POTEC: variants seen among roughly 807,000 people sequenced by gnomAD.
The protein encoded by POTEC is ANKRD26-like family B member 2.
In POTEC, 35 loss-of-function variants were observed where a neutral mutation model predicts 62.0. That is an observed-to-expected ratio of 0.56 (90% CI 0.43 to 0.75). The LOEUF (loss-of-function observed/expected upper bound fraction) is 0.75, where lower values mean the gene tolerates loss of function less well. POTEC is among the 30% of genes least tolerant of loss of function. The pLI, the probability that POTEC is intolerant of heterozygous loss-of-function variation, is 0.00. For synonymous variants in POTEC, 156 were observed against 221.5 expected, an observed-to-expected ratio of 0.70 and a Z score of 2.62; for missense variants, 472 against 655.9, an observed-to-expected ratio of 0.72 and a Z score of 3.06.
chr18:14,508,406 C>T lies in POTEC; in HGVS notation c.*3492G>A, dbSNP rs1909902337. 1 of 152,556 alleles carries T rather than the reference C, an allele frequency of 6.6e-6. No individual in the cohort carries two copies. Among genetic ancestry groups the T allele is most frequent in the South Asian group, 2.1e-4 (1 of 4,826 alleles). The allele number at this position is 152,556 out of a possible 1,614,324, so 9.5% of individuals were successfully genotyped here. ...TGGAGCTGGTCTGACCTCAGCCCTC[C>T]CTAGTCTGCTTGCCTCTCCCAGGAC... On this transcript the variant is annotated 3_prime_UTR_variant, in exon 11 of 11. Coordinates refer to ENST00000358970, the MANE Select transcript of POTEC (RefSeq NM_001137671.2).
chr18:14,539,097 C>G (rs1280516148), intron 1 of POTEC, among the ~76,000 whole-genome samples: 1 of 152,018 alleles, frequency 6.6e-6, no homozygotes, highest in Non-Finnish European at 1.5e-5. Context: ...TTTTCAAAAA[C>G]TTTAAGCCAA....
chr18:14,528,789 T>A (rs1249925186), intron 6 of POTEC: 1 of 369,066 alleles, frequency 2.7e-6, no homozygotes, highest in African/African-American at 2.1e-5. Flanking sequence ...GACCTACTCA[T>A]TTCTATAGTA....
At chr18:14,525,036 A>G in intron 6 of POTEC, 53 bp from the exon 7 acceptor site, 1 of 1,579,892 alleles carries the variant, frequency 6.3e-7, no homozygotes, top group East Asian at 2.2e-5. Context: ...AACAGTTAAA[A>G]ACTATTGCCT....
At position 14,537,917 on chromosome 18, in the gene POTEC, G is replaced by T. The variant is rs917786769; in HGVS notation, c.694C>A (p.Gln232Lys). The T allele has an allele frequency of 6.2e-7, 1 of 1,612,484 alleles. No individual in the cohort carries two copies. The highest frequency in any genetic ancestry group is 8.5e-7 in the Non-Finnish European group (1 of 1,179,794). The change falls in exon 3 of 11, where the codon CAA becomes AAA. Residue 232 changes from glutamine (Q) to lysine (K), a missense_variant. Coordinates refer to ENST00000358970, the MANE Select transcript of POTEC (RefSeq NM_001137671.2). ...TTTCCATACTCATCTGGAATATTTT[G>T]ATCAGCGCCATGTTCCAGCAACATT... is the stretch of plus-strand genomic sequence containing the variant. ...VLMLLEHGAD[Q>K]NIPDEYGNTT...
chr18:14,539,245 G>C (rs1456766569), intron 1 of POTEC, among the ~76,000 whole-genome samples: 1 of 151,680 alleles, frequency 6.6e-6, no homozygotes, highest in East Asian at 1.9e-4. Flanking sequence ...TTTTAAAATG[G>C]ATTTATGAAA....
chr18:14,518,875 A>G (rs1910237754), intron 9 of POTEC, among the ~76,000 whole-genome samples: 1 of 151,442 alleles, frequency 6.6e-6, no homozygotes, highest in Non-Finnish European at 1.5e-5. Flanking sequence ...AATTAGGAGG[A>G]ACTTTGACAT....
intron 6 of POTEC, chr18:14,527,734 G>C (rs973312686): frequency 6.6e-6 from 1 of 151,706 alleles, no homozygotes; most frequent in Non-Finnish European, 1.5e-5. Flanking sequence ...AACTATTAAT[G>C]TTATTTCTTA....
At chr18:14,539,260 T>G (rs1411044722) in intron 1 of POTEC, among the ~76,000 whole-genome samples, 167 of 130,002 alleles carry the variant, frequency 1.3e-3, no homozygotes, top group South Asian at 5.2e-3. Flanking sequence ...ATGAAACTAT[T>G]TGTGGAGCTT....
At chr18:14,534,081 C>T (rs1210887667) in intron 4 of POTEC, among the ~76,000 whole-genome samples, 1 of 112,528 alleles carries the variant, frequency 8.9e-6, no homozygotes, top group Non-Finnish European at 1.8e-5. Flanking sequence ...CCCCTCCCCC[C>T]ACCCCACCAC....
chr18:14,520,625 T>C (rs1910284414), intron 9 of POTEC, among the ~76,000 whole-genome samples: 1 of 151,716 alleles, frequency 6.6e-6, no homozygotes, highest in African/African-American at 2.4e-5. Flanking sequence ...CTGAAATATA[T>C]CCTTTTCTCA....
At chr18:14,542,507 C>A in intron 1 of POTEC, 119 bp downstream of exon 1, 2 of 1,507,334 alleles carry the variant, frequency 1.3e-6, no homozygotes, top group Admixed American at 3.9e-5. Flanking sequence ...GTTTCCACAC[C>A]CAGGGTGGTG....
At chr18:14,514,276 A>G (rs887091833) in intron 9 of POTEC, among the ~76,000 whole-genome samples, 3 of 151,768 alleles carry the variant, frequency 2.0e-5, no homozygotes, top group Non-Finnish European at 4.4e-5. Context: ...ATGACAATCT[A>G]ATGTCACCGC....
chr18:14,518,972 G>A (rs1347399134), intron 9 of POTEC, among the ~76,000 whole-genome samples: 2 of 152,198 alleles, frequency 1.3e-5, no homozygotes, highest in Non-Finnish European at 2.9e-5. Flanking sequence ...CATCCACTGA[G>A]TTAAGAATTG....
At chr18:14,538,976 A>G (rs1250857594) in intron 1 of POTEC, among the ~76,000 whole-genome samples, 2 of 152,212 alleles carry the variant, frequency 1.3e-5, no homozygotes, top group Non-Finnish European at 2.9e-5. Flanking sequence ...GGGCAGTTCC[A>G]GTCAGATGAC....
At chr18:14,542,457 T>C (rs1025774925) in intron 1 of POTEC, among the ~76,000 whole-genome samples, 169 bp downstream of exon 1, 1 of 152,158 alleles carries the variant, frequency 6.6e-6, no homozygotes, top group Non-Finnish European at 1.5e-5. Context: ...ATTTTTTGTG[T>C]TGCTGTTTAT....
rs1180309559 is a variant in POTEC at position 14,539,461 on chromosome 18, T to C, written c.522-1212A>G. ...ACCCTCTGATAGGCCCCAGTGTATG[T>C]TGCTTCCCTCTAGGTGTCTGTGTGT... On this transcript the variant is annotated intron_variant, in intron 1 of 10. Transcript: ENST00000358970. 7.8e-5 allele frequency among the ~76,000 whole-genome samples: 11 copies of C among 140,698 alleles called. 1 individual carries two copies. Among genetic ancestry groups the C allele is most frequent in the Admixed American group, 7.2e-4 (10 of 13,830 alleles). The allele number at this position is 140,698 out of a possible 152,430, so 92.3% of individuals were successfully genotyped here. A position where few individuals can be genotyped will look rare whatever the true frequency, so the allele number is the denominator to read the frequency against.
At chr18:14,523,397 A>G in intron 8 of POTEC, 66 bp downstream of exon 8, 1 of 1,358,628 alleles carries the variant, frequency 7.4e-7, no homozygotes, top group Non-Finnish European at 1.0e-6. Flanking sequence ...TACACTTACT[A>G]CACTTTGTTA....
intron 6 of POTEC, among the ~76,000 whole-genome samples, chr18:14,529,902 A>G (rs9962424): frequency 0.46 from 69,189 of 151,814 alleles, 17,726 homozygotes; most frequent in Non-Finnish European, 0.59. Context: ...TTATTTTTTT[A>G]TCTACGGTAG....
intron 9 of POTEC, among the ~76,000 whole-genome samples, chr18:14,520,841 G>C (rs1910288196): frequency 6.6e-6 from 1 of 152,106 alleles, no homozygotes. Flanking sequence ...TGGGTGTGAT[G>C]TTGCACACTT....
Sources: gnomAD v4.1 joint callset for allele counts (sites outside exome capture counted in the v4.1 genomes callset) on GRCh38, gnomAD v4.1.1 for gene constraint, MANE v1.5 for transcripts, NCBI Gene and HGNC (gene_info 2026-07-23, HGNC 2026-07-21) for gene names.